DNM2: variants seen among roughly 807,000 people sequenced by gnomAD.
DNM2 encodes the protein dynamin 2.
DNM2 carries 15 observed loss-of-function variants against 99.0 expected under a neutral mutation model. That is an observed-to-expected ratio of 0.15 (90% CI 0.10 to 0.23). DNM2 has a LOEUF of 0.23. Among genes scored for constraint, DNM2 ranks in the 10% least tolerant of loss-of-function variants. The pLI, the probability that DNM2 is intolerant of heterozygous loss-of-function variation, is 1.00. For synonymous variants in DNM2, 525 were observed against 481.2 expected (o/e 1.09, Z -1.19); for missense variants, 742 against 1,189.4 (o/e 0.62, Z 5.53).
At chr19:10,753,467 T>G (rs1311288396) in intron 1 of DNM2, among the ~76,000 whole-genome samples, 1 of 143,210 alleles carries the variant, frequency 7.0e-6, no homozygotes, top group Non-Finnish European at 1.5e-5. Context: ...CTCTTCTTCC[T>G]TTCCTTTTCT....
intron 1 of DNM2, among the ~76,000 whole-genome samples, chr19:10,725,547 G>T (rs148825423): frequency 1.6e-4 from 25 of 152,176 alleles, no homozygotes; most frequent in African/African-American, 5.5e-4. Context: ...AGAGGGATCT[G>T]TGGGAATATG....
rs2146023875 is a variant in DNM2, at chr19:10,795,638, T to G, written c.1196+199T>G. On this transcript the variant is annotated intron_variant, in intron 9 of 20. Coordinates refer to ENST00000389253, the MANE Select transcript of DNM2 (RefSeq NM_001005361.3). The surrounding 1 kb of genome is among the most constrained non-coding windows in gnomAD (Gnocchi z 4.2). Reference sequence around the variant, plus strand: ...GGATGTGTCTTAGTCCTGCGTCCATTGCAGGCTTCAGGGCTGTCTGCAGCT... The same window carrying G: ...GGATGTGTCTTAGTCCTGCGTCCATGGCAGGCTTCAGGGCTGTCTGCAGCT... 4.7e-6 allele frequency: 3 copies of G among 639,678 alleles called. No individual in the cohort carries two copies. Among genetic ancestry groups the G allele is most frequent in the Middle Eastern group, 3.6e-4 (1 of 2,750 alleles). 39.6% of individuals were successfully genotyped at this position (639,678 alleles called of 1,614,324 possible).
In DNM2 at chr19:10,801,835, G is replaced by A. The variant is rs553945855; in HGVS notation, c.1423-453G>A. Among the ~76,000 whole-genome samples the A allele has an allele frequency of 1.1e-3, 163 of 150,168 alleles. 1 individual carries two copies. The highest frequency in any genetic ancestry group is 1.6e-3 in the Non-Finnish European group (105 of 67,664). On this transcript the variant is annotated intron_variant, in intron 11 of 20. Coordinates refer to ENST00000389253, the MANE Select transcript of DNM2 (RefSeq NM_001005361.3). ...CAGGAGAATCGCTTGAACCCAGGAG[G>A]CAGAGGTTGCAGTGAGCCAAGATTG... is the stretch of plus-strand genomic sequence containing the variant.
rs2072779870 is a variant in DNM2 at position 10,817,279 on chromosome 19, C to T, written c.1672-2701C>T. ...TCGGCCGGCCTCGGGGCTCCCTCTG[C>T]CTTTCCCCAGTGCCTCTTCTCCCAC... On this transcript the variant is annotated intron_variant, in intron 15 of 20. Transcript: ENST00000389253. The surrounding 1 kb of genome is among the most constrained non-coding windows in gnomAD (Gnocchi z 4.6). The T allele has an allele frequency of 2.7e-6, 1 of 373,440 alleles. No individual in the cohort carries two copies. The highest frequency in any genetic ancestry group is 3.0e-5 in the Admixed American group (1 of 33,328). The allele number at this position is 373,440 out of a possible 1,614,324, so 23.1% of individuals were successfully genotyped here.
At position 10,797,431 on chromosome 19, in the gene DNM2, G is replaced by A. The variant is rs754603076; in HGVS notation, c.1248G>A (p.Gln416=). 5.6e-6 allele frequency: 9 copies of A among 1,613,800 alleles called. No individual in the cohort carries two copies. Among genetic ancestry groups the A allele is most frequent in the South Asian group, 2.2e-5 (2 of 91,068 alleles). The change falls in exon 10 of 21, where the codon CAG becomes CAA. Residue 416 remains glutamine, a synonymous_variant. Coordinates refer to ENST00000389253, the MANE Select transcript of DNM2 (RefSeq NM_001005361.3). Reference sequence around the variant, plus strand: ...CCTTTGAAGCCATTGTGAAAAAACAGATTGTAAAACTCAAAGAGCCGAGTT... The same window carrying A: ...CCTTTGAAGCCATTGTGAAAAAACAAATTGTAAAACTCAAAGAGCCGAGTT... ...DMAFEAIVKK[Q]IVKLKEPSLK...
intron 5 of DNM2, among the ~76,000 whole-genome samples, chr19:10,778,062 G>C (rs946885202): frequency 1.3e-4 from 13 of 96,314 alleles, no homozygotes; most frequent in African/African-American, 4.9e-4. Context: ...TTTATGAGAC[G>C]GAGTCTCTGT....
At chr19:10,807,593 G>T (rs534906359) in intron 13 of DNM2, among the ~76,000 whole-genome samples, 2 of 122,774 alleles carry the variant, frequency 1.6e-5, no homozygotes, top group Non-Finnish European at 3.2e-5. Context: ...CTGCCACCAA[G>T]GCTGGAGTGC....
At chr19:10,770,982 G>A (rs987307797) in intron 2 of DNM2, among the ~76,000 whole-genome samples, 20 of 152,128 alleles carry the variant, frequency 1.3e-4, no homozygotes, top group Non-Finnish European at 2.4e-4. Flanking sequence ...CTGTAGAGAC[G>A]GGGTCTCACT....
chr19:10,803,400 A>T (rs966531729), intron 12 of DNM2, among the ~76,000 whole-genome samples: 3 of 152,180 alleles, frequency 2.0e-5, no homozygotes, highest in African/African-American at 7.2e-5. Flanking sequence ...CCTAGAGATG[A>T]GCCGAAGTCC....
chr19:10,746,798 A>C (rs2070002703), intron 1 of DNM2, among the ~76,000 whole-genome samples: 1 of 134,906 alleles, frequency 7.4e-6, no homozygotes, highest in African/African-American at 2.9e-5. Context: ...GCATGATCTC[A>C]CAATCTCAGC....
At chr19:10,737,179 A>G (rs2145741111) in intron 1 of DNM2, among the ~76,000 whole-genome samples, 1 of 152,198 alleles carries the variant, frequency 6.6e-6, no homozygotes, top group African/African-American at 2.4e-5. Flanking sequence ...CCTGGCCCTC[A>G]GTTCCCTCAG....
chr19:10,734,345 A>C lies in DNM2; in HGVS notation c.161+15942A>C, dbSNP rs79468879. 9.5e-4 allele frequency among the ~76,000 whole-genome samples: 142 copies of C among 149,624 alleles called. 1 individual carries two copies. Among genetic ancestry groups the C allele is most frequent in the South Asian group, 2.5e-3 (12 of 4,770 alleles). The stretch of plus-strand genomic sequence containing the variant: ...GCAACAGAGGGGGACTCTGTCTCAA[A>C]AAAAAAAAAAAAAGGAAGGGAGGCC... On this transcript the variant is annotated intron_variant, in intron 1 of 20. Transcript: ENST00000389253.
chr19:10,750,862 C>T (rs955050834), intron 1 of DNM2, among the ~76,000 whole-genome samples: 1 of 151,602 alleles, frequency 6.6e-6, no homozygotes, highest in Admixed American at 6.6e-5. Context: ...GATTGCGCCA[C>T]TACACTCCAG....
intron 15 of DNM2, among the ~76,000 whole-genome samples, chr19:10,814,981 G>A (rs897025442): frequency 1.1e-4 from 17 of 152,200 alleles, no homozygotes; most frequent in Non-Finnish European, 2.1e-4. Context: ...CATTGTCCTG[G>A]TTGCTCTGGG....
chr19:10,803,528 C>G, intron 12 of DNM2: 4 of 768,600 alleles, frequency 5.2e-6, no homozygotes, highest in Non-Finnish European at 6.3e-6. Flanking sequence ...TTTTCCTCAC[C>G]TTGATGTCTC....
Position 10,775,914 on chromosome 19 carries a change from T to C in DNM2, c.589+8T>C, listed in dbSNP as rs761981925. 5.6e-6 allele frequency: 9 copies of C among 1,609,612 alleles called. No homozygotes were observed. Among genetic ancestry groups the C allele is most frequent in the Non-Finnish European group, 6.8e-6 (8 of 1,179,980 alleles). On this transcript the variant is annotated splice_region_variant and intron_variant, in intron 4 of 20. Transcript: ENST00000389253. This position sits in a 1 kb window ranked among gnomAD's most constrained non-coding sequence, Gnocchi z 4.3. ...AGGAAGTCGATCCCCAAGGTAACCC[T>C]GAGCCTAGGGCAGTCCCCTCTTCCA...
chr19:10,739,457 T>C (rs2069658209), intron 1 of DNM2, among the ~76,000 whole-genome samples: 1 of 152,226 alleles, frequency 6.6e-6, no homozygotes, highest in African/African-American at 2.4e-5. Context: ...TAATGTCCTT[T>C]CTGTCTGTGA....
chr19:10,799,351 A>C (rs1259490999), intron 11 of DNM2, among the ~76,000 whole-genome samples: 1 of 151,656 alleles, frequency 6.6e-6, no homozygotes, highest in Non-Finnish European at 1.5e-5. Context: ...CCTTCCTGCC[A>C]CCCTTCTTCC....
At chr19:10,738,353 A>C (rs990278114) in intron 1 of DNM2, among the ~76,000 whole-genome samples, 6 of 152,236 alleles carry the variant, frequency 3.9e-5, no homozygotes, top group African/African-American at 2.4e-5. Flanking sequence ...ATGGTGGCTC[A>C]CGCCCATAGA....
Sources: gnomAD v4.1 joint callset for allele counts (sites outside exome capture counted in the v4.1 genomes callset) on GRCh38, gnomAD v4.1.1 for gene constraint, Gnocchi (gnomAD v3.1) non-coding constraint, MANE v1.5 for transcripts, NCBI Gene and HGNC (gene_info 2026-07-23, HGNC 2026-07-21) for gene names.